Variants in MEGF6 observed in about 807,000 individuals in gnomAD.
The protein encoded by MEGF6 is multiple epidermal growth factor-like domains protein 6.
Under a neutral mutation model 207.1 loss-of-function variants are expected in MEGF6, and 184 were observed. That is an observed-to-expected ratio of 0.89 (90% CI 0.79 to 1.00). The LOEUF (loss-of-function observed/expected upper bound fraction) is 1.00, where lower values mean the gene tolerates loss of function less well. Among genes scored for constraint, MEGF6 ranks in the 50% least tolerant of loss-of-function variants. MEGF6 has a pLI of 0.00. For synonymous variants in MEGF6, 1,038 were observed against 910.0 expected, an observed-to-expected ratio of 1.14 and a Z score of -2.53; for missense variants, 2,282 against 2,202.9, an observed-to-expected ratio of 1.04 and a Z score of -0.72.
chr1:3,490,239 C>CG lies in MEGF6; in HGVS notation c.*288dup. 1 of 493,928 alleles carries CG rather than the reference C, an allele frequency of 2.0e-6. No homozygotes were observed. Among genetic ancestry groups the CG allele is most frequent in the South Asian group, 2.7e-5 (1 of 37,378 alleles). The allele number at this position is 493,928 out of a possible 1,614,324, so 30.6% of individuals were successfully genotyped here. On this transcript the variant is annotated 3_prime_UTR_variant, in exon 37 of 37. Transcript: ENST00000356575. ...CTGTCCTCAGTCCAACTCAGAGCCG[C>CG]GGGGAGAGCGGGACTTCCTCAGCCC...
At chr1:3,534,428 T>C (rs1017982515) in intron 4 of MEGF6, among the ~76,000 whole-genome samples, 4 of 152,242 alleles carry the variant, frequency 2.6e-5, no homozygotes, top group Non-Finnish European at 4.4e-5. Context: ...ACATTCTGTT[T>C]CTGTTGGACA....
chr1:3,510,275 A>G (rs1410545618), intron 10 of MEGF6, among the ~76,000 whole-genome samples: 1 of 152,090 alleles, frequency 6.6e-6, no homozygotes, highest in Non-Finnish European at 1.5e-5. Context: ...TCCAGGAGAG[A>G]GCGGCCAGTG....
At chr1:3,575,550 G>T (rs529946716) in intron 4 of MEGF6, among the ~76,000 whole-genome samples, 5 of 152,216 alleles carry the variant, frequency 3.3e-5, no homozygotes, top group Non-Finnish European at 5.9e-5. Context: ...ATTTACAAAA[G>T]AAAGAGGTTT....
chr1:3,586,731 C>T (rs1442304886), intron 3 of MEGF6, among the ~76,000 whole-genome samples: 1 of 152,204 alleles, frequency 6.6e-6, no homozygotes. Flanking sequence ...GCCCGGGGTC[C>T]ACAGAGGGCC....
intron 4 of MEGF6, among the ~76,000 whole-genome samples, chr1:3,576,171 C>T (rs1310326840): frequency 6.6e-6 from 1 of 152,254 alleles, no homozygotes; most frequent in African/African-American, 2.4e-5. Context: ...AGGGCCTGCC[C>T]AGCGCCGGGC....
intron 3 of MEGF6, 65 bp downstream of exon 3, chr1:3,595,273 A>C: frequency 9.2e-7 from 1 of 1,092,096 alleles, no homozygotes; most frequent in East Asian, 2.8e-5. Context: ...GGGCAGATTC[A>C]TGGCTCTGCT....
intron 30 of MEGF6, 152 bp from the exon 31 acceptor site, chr1:3,494,893 A>T (rs1640536933): frequency 8.3e-7 from 1 of 1,203,012 alleles, no homozygotes; most frequent in Non-Finnish European, 1.1e-6. Flanking sequence ...CATGCCAGGG[A>T]GTGGCACCAG....
At chr1:3,588,705 C>G (rs900155812) in intron 3 of MEGF6, among the ~76,000 whole-genome samples, 1 of 152,010 alleles carries the variant, frequency 6.6e-6, no homozygotes, top group Non-Finnish European at 1.5e-5. Flanking sequence ...GCAGCCCCAG[C>G]CTTCACAGAG....
rs1238056438 is a variant in MEGF6 at position 3,498,831 on chromosome 1, G to A, written c.3095-5C>T. 6.5e-7 allele frequency: 1 copy of A among 1,549,942 alleles called. No individual in the cohort carries two copies. The highest frequency in any genetic ancestry group is 2.0e-5 in the Admixed American group (1 of 51,094). On this transcript the variant is annotated splice_region_variant and splice_polypyrimidine_tract_variant and intron_variant, in intron 24 of 36. Transcript: ENST00000356575. ...CGTACAGGCCGGCAGGGCAGGCTGG[G>A]GCCAGGGAAGAGGGAGCAACCTGCA...
chr1:3,548,993 T>C (rs117942909), intron 4 of MEGF6, among the ~76,000 whole-genome samples: 1 of 152,204 alleles, frequency 6.6e-6, no homozygotes, highest in East Asian at 1.9e-4. Flanking sequence ...TCGCCCCTTG[T>C]TCCCCCAAAG....
intron 4 of MEGF6, among the ~76,000 whole-genome samples, chr1:3,578,545 G>C (rs1643706157): frequency 6.6e-6 from 1 of 152,134 alleles, no homozygotes; most frequent in Admixed American, 6.5e-5. Context: ...CTGGGGGGGG[G>C]GGGCCCTTTC....
rs1439942846 is a variant in MEGF6, at chr1:3,494,738, C to T, written c.3875G>A (p.Cys1292Tyr). The change falls in exon 31 of 37, where the codon TGC (cysteine) becomes TAC (tyrosine). Residue 1292 changes from cysteine (C) to tyrosine (Y), a missense_variant. Physicochemically the swap from Cys to Tyr is radical, Grantham distance 194. Transcript: ENST00000356575. ...GCCCACGCCAAACCGGTTCTGGGGG[C>T]AGCCTGGAGACAGAAGGCAGGTGCT... ...GRAGVRCERG[C>Y]PQNRFGVGCE... The T allele has an allele frequency of 2.5e-6, 4 of 1,577,880 alleles. No homozygotes were observed. The highest frequency in any genetic ancestry group is 8.6e-7 in the Non-Finnish European group (1 of 1,161,514).
upstream of MEGF6, among the ~76,000 whole-genome samples, chr1:3,613,225 G>A (rs115591125): frequency 1.6e-3 from 245 of 152,216 alleles, 1 homozygote; most frequent in African/African-American, 5.4e-3. Context: ...CACCCTTCCC[G>A]GGATCTCGGC....
rs550751515 is a variant in MEGF6, at chr1:3,499,777, C to G, written c.2836+19G>C. 2 of 1,572,086 alleles carry G rather than the reference C, an allele frequency of 1.3e-6. No individual in the cohort carries two copies. Among genetic ancestry groups the G allele is most frequent in the East Asian group, 2.3e-5 (1 of 42,770 alleles). On this transcript the variant is annotated intron_variant, in intron 22 of 36. Coordinates refer to ENST00000356575, the MANE Select transcript of MEGF6 (RefSeq NM_001409.4). ...ACTGGAGGCCACCCAGCCTAGCCCC[C>G]GCCTGTGCCGTAGCTCACCATGCTC...
chr1:3,542,137 G>A (rs1029080366), intron 4 of MEGF6, among the ~76,000 whole-genome samples: 6 of 152,218 alleles, frequency 3.9e-5, no homozygotes, highest in African/African-American at 1.2e-4. Flanking sequence ...CCTGGAAGGA[G>A]GGGTCAGCCG....
chr1:3,534,730 C>G (rs1485304967), intron 4 of MEGF6, among the ~76,000 whole-genome samples: 1 of 152,158 alleles, frequency 6.6e-6, no homozygotes, highest in Non-Finnish European at 1.5e-5. Flanking sequence ...AACTGTCCAC[C>G]TCCTAAGCCA....
intron 1 of MEGF6, among the ~76,000 whole-genome samples, chr1:3,605,888 G>A (rs930207953): frequency 6.6e-6 from 1 of 152,166 alleles, no homozygotes; most frequent in Non-Finnish European, 1.5e-5. Flanking sequence ...TCCAGGACCC[G>A]GCCCCCACCC....
the MEGF6 span, chr1:3,624,516 G>A: frequency 6.6e-6 from 1 of 152,354 alleles, no homozygotes; most frequent in African/African-American, 2.4e-5. Flanking sequence ...ATCGCTGCCC[G>A]GCGTGCGAAC....
chr1:3,526,073 C>G (rs1641950648), intron 4 of MEGF6, among the ~76,000 whole-genome samples: 1 of 152,206 alleles, frequency 6.6e-6, no homozygotes, highest in South Asian at 2.1e-4. Flanking sequence ...GTGGTGGGGA[C>G]AGACGGAGCT....
Sources: allele counts gnomAD v4.1 joint callset (sites outside exome capture counted in the v4.1 genomes callset), GRCh38; gene constraint gnomAD v4.1.1; transcripts MANE v1.5; gene names NCBI Gene and HGNC (gene_info 2026-07-23, HGNC 2026-07-21).